The following PNPLA1 variants were observed in gnomAD, a reference collection of about 807,000 sequenced individuals.
The protein encoded by PNPLA1 is omega-hydroxyceramide transacylase.
PNPLA1 carries 36 observed loss-of-function variants against 51.7 expected under a neutral mutation model. The observed-to-expected ratio is 0.70, with a 90% CI of 0.53 to 0.92. The LOEUF (loss-of-function observed/expected upper bound fraction) is 0.92. PNPLA1 is among the 40% of genes least tolerant of loss of function. The pLI is 0.00. For synonymous variants in PNPLA1, 293 were observed against 280.1 expected (o/e 1.05, Z -0.46); for missense variants, 658 against 682.5 (o/e 0.96, Z 0.40).
intron 6 of PNPLA1, among the ~76,000 whole-genome samples, chr6:36,304,769 ATCC>A (rs1454935346): frequency 6.6e-6 from 1 of 152,064 alleles, no homozygotes; most frequent in Non-Finnish European, 1.5e-5. Flanking sequence ...TACCTGAGCA[ATCC>A]TGCACCCCAA....
intron 7 of PNPLA1, 145 bp downstream of exon 7, chr6:36,306,521 C>A: frequency 1.4e-6 from 1 of 709,188 alleles, no homozygotes; most frequent in East Asian, 2.7e-5. Flanking sequence ...CAGGTCCACC[C>A]CTTTACATCT....
Position 36,302,194 on chromosome 6 carries a change from C to A in PNPLA1, c.1109C>A (p.Pro370Gln), listed in dbSNP as rs544026479. 6.2e-7 allele frequency: 1 copy of A among 1,614,218 alleles called. No homozygotes were observed. The highest frequency in any genetic ancestry group is 1.1e-5 in the South Asian group (1 of 91,090). ...SSTPLSLSGMPPVSFPAVHKP... is the reference protein window; with the variant it reads ...SSTPLSLSGMQPVSFPAVHKP... ...ACTCCACTTTCTCTAAGTGGCATGC[C>A]ACCTGTATCATTCCCAGCTGTGCAC... The change falls in exon 6 of 9, where the codon CCA becomes CAA. Residue 370 changes from proline (P) to glutamine (Q), a missense_variant. Physicochemically the swap from Pro to Gln is moderately conservative, Grantham distance 76 (BLOSUM62 -1). Transcript: ENST00000636260.
At chr6:36,278,641 T>C (rs1192352967) in intron 1 of PNPLA1, among the ~76,000 whole-genome samples, 1 of 152,202 alleles carries the variant, frequency 6.6e-6, no homozygotes, top group Non-Finnish European at 1.5e-5. Flanking sequence ...GTCCATCTTA[T>C]ACATGGGGGA....
chr6:36,276,754 G>GTTCCTTCCTTCC (rs35701454), intron 1 of PNPLA1, among the ~76,000 whole-genome samples: 5 of 149,774 alleles, frequency 3.3e-5, no homozygotes, highest in Admixed American at 6.7e-5. Flanking sequence ...TCGTTCGTTC[G>GTTCCTTCCTTCC]TTCCTTCCTT....
chr6:36,288,598 G>A (rs62403698), intron 1 of PNPLA1, among the ~76,000 whole-genome samples: 3 of 151,480 alleles, frequency 2.0e-5, no homozygotes, highest in African/African-American at 4.8e-5. Flanking sequence ...GACTACAGGC[G>A]CCCGCCACCG....
chr6:36,275,073 T>C (rs1487735341), intron 1 of PNPLA1, among the ~76,000 whole-genome samples: 1 of 152,184 alleles, frequency 6.6e-6, no homozygotes, highest in Admixed American at 6.5e-5. Context: ...TCTTACAACT[T>C]GGGTTTTGTT....
chr6:36,300,178 T>TGTGTGTGTGTGTGTGTGAGAGAGAGA, intron 5 of PNPLA1, among the ~76,000 whole-genome samples: 1 of 98,088 alleles, frequency 1.0e-5, no homozygotes, highest in African/African-American at 3.3e-5. Context: ...TGTGTGTGTG[T>TGTGTGTGTGTGTGTGTGAGAGAGAGA]GAGAGAGAGA....
rs145213810 is a variant in PNPLA1 at position 36,278,621 on chromosome 6, C to T, written c.205+7957C>T. Among the ~76,000 whole-genome samples, 383 of 152,286 alleles carry T rather than the reference C, an allele frequency of 2.5e-3. 3 individuals carry two copies. The highest frequency in any genetic ancestry group is 9.0e-3 in the African/African-American group (372 of 41,546). On this transcript the variant is annotated intron_variant, in intron 1 of 8. Transcript: ENST00000636260. Reference sequence around the variant, plus strand: ...TGAAGCCCCGGCTGCACTAGTACAGCCCCGCTGTTGTCCATCTTATACATG... The same window carrying T: ...TGAAGCCCCGGCTGCACTAGTACAGTCCCGCTGTTGTCCATCTTATACATG...
intron 1 of PNPLA1, among the ~76,000 whole-genome samples, chr6:36,246,455 G>C (rs1368570671): frequency 6.6e-6 from 1 of 152,126 alleles, no homozygotes; most frequent in African/African-American, 2.4e-5. Context: ...GCCCACCTTG[G>C]CCTCCCAAAG....
At chr6:36,290,167 A>G (rs1050308580) in intron 1 of PNPLA1, among the ~76,000 whole-genome samples, 2 of 152,240 alleles carry the variant, frequency 1.3e-5, no homozygotes, top group Non-Finnish European at 2.9e-5. Context: ...CCATGTAGCC[A>G]TTGCTACATG....
chr6:36,293,418 G>C (rs1386308246), intron 3 of PNPLA1, among the ~76,000 whole-genome samples: 2 of 152,238 alleles, frequency 1.3e-5, no homozygotes, highest in Non-Finnish European at 2.9e-5. Context: ...ACAGAGCAGA[G>C]GAGATGAAGC....
chr6:36,258,531 GTGGGAGGTTTGTGGTCCTA>G (rs1385933874), intron 1 of PNPLA1, among the ~76,000 whole-genome samples: 4 of 152,162 alleles, frequency 2.6e-5, no homozygotes, highest in African/African-American at 9.7e-5. Context: ...ATTTTGTCAT[GTGGGAGGTTTGTGGTCCTA>G]TGGGAGGTAC....
intron 5 of PNPLA1, among the ~76,000 whole-genome samples, chr6:36,299,243 C>T (rs1386210509): frequency 6.6e-6 from 1 of 152,004 alleles, no homozygotes; most frequent in Non-Finnish European, 1.5e-5. Flanking sequence ...AATTGTTTTC[C>T]AAAGCAGTTG....
At chr6:36,291,024 G>T (rs1449933946) in intron 1 of PNPLA1, among the ~76,000 whole-genome samples, 1 of 152,224 alleles carries the variant, frequency 6.6e-6, no homozygotes, top group Non-Finnish European at 1.5e-5. Flanking sequence ...TCCTTTAGCT[G>T]TTGATATGAA....
intron 6 of PNPLA1, among the ~76,000 whole-genome samples, chr6:36,305,614 A>G (rs931180416): frequency 2.0e-5 from 3 of 151,998 alleles, no homozygotes; most frequent in Non-Finnish European, 2.9e-5. Flanking sequence ...AACTATTAAT[A>G]CTCTGTTCTA....
upstream of PNPLA1, among the ~76,000 whole-genome samples, chr6:36,265,756 C>T (rs1444479826): frequency 1.3e-5 from 2 of 152,322 alleles, no homozygotes; most frequent in East Asian, 1.9e-4. Flanking sequence ...GGTGCAGTCA[C>T]ACAAGAATCT....
intron 6 of PNPLA1, 35 bp from the exon 7 acceptor site, chr6:36,306,257 C>A: frequency 6.6e-7 from 1 of 1,521,132 alleles, no homozygotes; most frequent in Non-Finnish European, 9.0e-7. Flanking sequence ...CCCCCCTCCC[C>A]ATCTCACTCC....
intron 1 of PNPLA1, among the ~76,000 whole-genome samples, chr6:36,248,200 A>T (rs1378265875): frequency 2.6e-5 from 4 of 152,196 alleles, no homozygotes; most frequent in African/African-American, 7.2e-5. Context: ...GAGGTGATTT[A>T]AAAAAATAAT....
At chr6:36,283,109 C>T (rs1326275860) in intron 1 of PNPLA1, among the ~76,000 whole-genome samples, 1 of 152,196 alleles carries the variant, frequency 6.6e-6, no homozygotes, top group East Asian at 1.9e-4. Flanking sequence ...CTAATGTTAA[C>T]ATCTTACATA....
Sources: gnomAD v4.1 joint callset for allele counts (sites outside exome capture counted in the v4.1 genomes callset) on GRCh38, gnomAD v4.1.1 for gene constraint, MANE v1.5 for transcripts, NCBI Gene and HGNC (gene_info 2026-07-23, HGNC 2026-07-21) for gene names.